The following DPYD variants were observed in gnomAD, a reference collection of about 807,000 sequenced individuals.
The protein encoded by DPYD is dihydropyrimidine dehydrogenase.
In DPYD, 109 loss-of-function variants were observed where a neutral mutation model predicts 116.2. That is an observed-to-expected ratio of 0.94 (90% confidence interval 0.80 to 1.10). DPYD has a LOEUF of 1.10. DPYD is among the 50% of genes least tolerant of loss of function. The probability of loss-of-function intolerance (pLI) is 0.00; values close to 1 mark genes in which losing one functional copy is unlikely to be tolerated. For missense variants in DPYD, 1,302 were observed against 1,254.5 expected (o/e 1.04, Z -0.57); for synonymous variants, 440 against 432.0 (o/e 1.02, Z -0.23).
chr1:97,410,804 A>G (rs1344401660), intron 14 of DPYD, among the ~76,000 whole-genome samples: 1 of 152,190 alleles, frequency 6.6e-6, no homozygotes. Flanking sequence ...AATATGTAAC[A>G]TCACTTTTTA....
chr1:97,466,036 G>A (rs1391025395), intron 13 of DPYD, among the ~76,000 whole-genome samples: 1 of 152,184 alleles, frequency 6.6e-6, no homozygotes, highest in Non-Finnish European at 1.5e-5. Flanking sequence ...GGGAGGAAGA[G>A]GCCGCAGTAA....
At chr1:97,453,716 T>C (rs1419661964) in intron 13 of DPYD, among the ~76,000 whole-genome samples, 1 of 152,090 alleles carries the variant, frequency 6.6e-6, no homozygotes, top group Non-Finnish European at 1.5e-5. Flanking sequence ...ATTTTTTCTT[T>C]GTGTATTATG....
At chr1:97,159,001 T>C (rs1431857588) in intron 20 of DPYD, among the ~76,000 whole-genome samples, 1 of 152,120 alleles carries the variant, frequency 6.6e-6, no homozygotes, top group Non-Finnish European at 1.5e-5. Flanking sequence ...AGTCTCTGTA[T>C]AATGTATCAT....
At chr1:97,648,385 T>A (rs1658391200) in intron 8 of DPYD, among the ~76,000 whole-genome samples, 1 of 151,910 alleles carries the variant, frequency 6.6e-6, no homozygotes, top group African/African-American at 2.4e-5. Flanking sequence ...TTACAGGCAA[T>A]TTGGTGTTTG....
At chr1:97,868,330 C>T (rs1056526467) in intron 2 of DPYD, among the ~76,000 whole-genome samples, 24 of 151,796 alleles carry the variant, frequency 1.6e-4, no homozygotes, top group South Asian at 1.2e-3. Flanking sequence ...CTCACATACA[C>T]TCTTGATAAC....
At chr1:97,444,362 C>T (rs1003442092) in intron 14 of DPYD, among the ~76,000 whole-genome samples, 10 of 152,116 alleles carry the variant, frequency 6.6e-5, no homozygotes, top group African/African-American at 2.4e-4. Context: ...AATGCAATAT[C>T]TCTAAATGTC....
chr1:97,499,685 T>A (rs1052917212), intron 13 of DPYD, among the ~76,000 whole-genome samples: 33 of 152,098 alleles, frequency 2.2e-4, no homozygotes, highest in Non-Finnish European at 3.8e-4. Context: ...ATTTATTTTA[T>A]TTAATAAGAA....
chr1:97,580,911 G>A (rs547515572), intron 10 of DPYD, among the ~76,000 whole-genome samples: 2 of 152,094 alleles, frequency 1.3e-5, no homozygotes, highest in East Asian at 1.9e-4. Context: ...TCCTACCTCC[G>A]CATTCTGTAT....
intron 11 of DPYD, among the ~76,000 whole-genome samples, chr1:97,550,988 T>C (rs571998485): frequency 1.3e-5 from 2 of 152,280 alleles, no homozygotes; most frequent in South Asian, 4.2e-4. Flanking sequence ...TGATTGTGTT[T>C]TTCCCACAAG....
chr1:97,626,560 T>C (rs548892407), intron 8 of DPYD, among the ~76,000 whole-genome samples: 11 of 152,104 alleles, frequency 7.2e-5, no homozygotes, highest in Non-Finnish European at 1.2e-4. Context: ...CTCAAGTTTC[T>C]ACTCCCATCT....
chr1:97,523,166 A>G (rs1648811211), intron 12 of DPYD, among the ~76,000 whole-genome samples: 1 of 152,186 alleles, frequency 6.6e-6, no homozygotes, highest in African/African-American at 2.4e-5. Context: ...CTGAAGTCCT[A>G]AAGAACTGAG....
At chr1:97,676,233 C>G (rs188059262) in intron 8 of DPYD, among the ~76,000 whole-genome samples, 65 of 152,222 alleles carry the variant, frequency 4.3e-4, no homozygotes, top group Admixed American at 2.0e-3. Context: ...CCCTATGATT[C>G]TAGACGTTTG....
At chr1:97,893,249 T>C (rs946457949) in intron 1 of DPYD, among the ~76,000 whole-genome samples, 19 of 151,232 alleles carry the variant, frequency 1.3e-4, no homozygotes, top group Admixed American at 2.0e-4. Context: ...GTACAAAAAA[T>C]AGAGATGTAT....
Position 97,914,936 on chromosome 1 carries a change from T to C in DPYD, c.39+5948A>G, listed in dbSNP as rs143365855. ...CCCTTTCTCATAGATTCTAACAGAC[T>C]TCAATACCACTAGTTGATTACTAGA... On this transcript the variant is annotated intron_variant, in intron 1 of 22. Transcript: ENST00000370192. Among the ~76,000 whole-genome samples, 633 of 152,292 alleles carry C rather than the reference T, an allele frequency of 4.2e-3. 3 individuals carry two copies. The highest frequency in any genetic ancestry group is 0.015 in the African/African-American group (603 of 41,572).
chr1:97,338,658 G>A (rs1381321107), intron 16 of DPYD, among the ~76,000 whole-genome samples: 1 of 152,112 alleles, frequency 6.6e-6, no homozygotes, highest in Non-Finnish European at 1.5e-5. Flanking sequence ...TGTCCCCCTT[G>A]GACCTAGAGA....
intron 13 of DPYD, among the ~76,000 whole-genome samples, chr1:97,510,710 T>C (rs1647722893): frequency 6.6e-6 from 1 of 152,020 alleles, no homozygotes; most frequent in Admixed American, 6.6e-5. Flanking sequence ...TTTTTATCAA[T>C]AAGTGGATGG....
chr1:97,544,498 A>C (rs1018734924), intron 12 of DPYD, among the ~76,000 whole-genome samples: 1 of 152,186 alleles, frequency 6.6e-6, no homozygotes, highest in Non-Finnish European at 1.5e-5. Flanking sequence ...TGTGTTTTTA[A>C]AGCACATGCA....
intron 8 of DPYD, among the ~76,000 whole-genome samples, chr1:97,654,100 G>C (rs570703709): frequency 6.6e-6 from 1 of 152,026 alleles, no homozygotes; most frequent in South Asian, 2.1e-4. Flanking sequence ...AAAAATTAAC[G>C]AGTTAAGTAA....
At chr1:97,182,764 C>A (rs140944507) in intron 20 of DPYD, among the ~76,000 whole-genome samples, 1,627 of 152,072 alleles carry the variant, frequency 0.011, 29 homozygotes, top group African/African-American at 0.037. Context: ...TAAAAAAGTC[C>A]CCCAAAAATG....
Sources: gnomAD v4.1 joint callset for allele counts (sites outside exome capture counted in the v4.1 genomes callset) on GRCh38, gnomAD v4.1.1 for gene constraint, MANE v1.5 for transcripts, NCBI Gene and HGNC (gene_info 2026-07-23, HGNC 2026-07-21) for gene names.